Variants in MDGA2 observed in about 807,000 individuals in gnomAD.
MDGA2 encodes the protein MAM domain-containing glycosylphosphatidylinositol anchor protein 2.
MDGA2 carries 40 observed loss-of-function variants against 117.8 expected under a neutral mutation model. That is an observed-to-expected ratio of 0.34 (90% CI 0.26 to 0.44). The LOEUF is 0.44. Among genes scored for constraint, MDGA2 ranks in the 20% least tolerant of loss-of-function variants. The pLI is 1.00. For missense variants in MDGA2, 1,123 were observed against 1,250.6 expected, an observed-to-expected ratio of 0.90 and a Z score of 1.54; for synonymous variants, 452 against 439.0, an observed-to-expected ratio of 1.03 and a Z score of -0.37.
chr14:47,640,731 T>C, intron 1 of MDGA2, among the ~76,000 whole-genome samples: 1 of 152,138 alleles, frequency 6.6e-6, no homozygotes, highest in East Asian at 1.9e-4. Flanking sequence ...TGCTTATCCC[T>C]CTGCACAAAA....
At chr14:47,620,590 C>T (rs1441266520) in intron 1 of MDGA2, among the ~76,000 whole-genome samples, 4 of 152,164 alleles carry the variant, frequency 2.6e-5, no homozygotes, top group Admixed American at 6.5e-5. Context: ...ATAAACTTTG[C>T]CCCCAAATTT....
At chr14:47,093,003 G>A (rs770901081) in intron 6 of MDGA2, among the ~76,000 whole-genome samples, 15 of 152,118 alleles carry the variant, frequency 9.9e-5, no homozygotes, top group Non-Finnish European at 2.1e-4. Context: ...CCAAGGAATT[G>A]GGGAAGCTTT....
At chr14:47,510,284 T>C (rs545091845) in intron 1 of MDGA2, among the ~76,000 whole-genome samples, 13 of 152,198 alleles carry the variant, frequency 8.5e-5, no homozygotes, top group Non-Finnish European at 1.2e-4. Flanking sequence ...ATTTCAAGCC[T>C]GCAGCCTCCG....
chr14:47,280,124 G>A (rs190756486), intron 2 of MDGA2, among the ~76,000 whole-genome samples: 2 of 151,800 alleles, frequency 1.3e-5, no homozygotes, highest in East Asian at 3.9e-4. Context: ...AGACTAGCCT[G>A]ACCAACATGG....
intron 5 of MDGA2, among the ~76,000 whole-genome samples, chr14:47,122,937 C>A (rs557393052): frequency 9.9e-5 from 15 of 152,080 alleles, no homozygotes; most frequent in African/African-American, 3.6e-4. Flanking sequence ...TGGACTTTTG[C>A]AAGATTTTCT....
intron 1 of MDGA2, among the ~76,000 whole-genome samples, chr14:47,571,883 G>A (rs940115132): frequency 4.6e-5 from 7 of 151,968 alleles, no homozygotes; most frequent in South Asian, 2.1e-4. Flanking sequence ...TTCCACACAC[G>A]TATCCCAGAA....
chr14:47,073,393 C>T (rs905479692), intron 6 of MDGA2, among the ~76,000 whole-genome samples: 3 of 152,150 alleles, frequency 2.0e-5, no homozygotes, highest in Admixed American at 6.5e-5. Context: ...GAGCCTCAAT[C>T]TCCCAAATCT....
intron 3 of MDGA2, among the ~76,000 whole-genome samples, chr14:47,162,774 G>A (rs1883697160): frequency 6.6e-6 from 1 of 151,814 alleles, no homozygotes; most frequent in East Asian, 1.9e-4. Context: ...TTCATGCTCT[G>A]TATTTTGAGA....
intron 1 of MDGA2, among the ~76,000 whole-genome samples, chr14:47,587,262 G>A (rs187731626): frequency 4.6e-5 from 7 of 151,668 alleles, no homozygotes; most frequent in Non-Finnish European, 5.9e-5. Context: ...GTTTACCTAC[G>A]AAACAACCTG....
chr14:47,099,047 T>C (rs1322415249), intron 5 of MDGA2, among the ~76,000 whole-genome samples: 1 of 151,956 alleles, frequency 6.6e-6, no homozygotes, highest in Non-Finnish European at 1.5e-5. Context: ...AAATTTGACT[T>C]GGAAACACAG....
chr14:47,158,371 T>G (rs985096553), intron 3 of MDGA2, among the ~76,000 whole-genome samples: 1 of 150,900 alleles, frequency 6.6e-6, no homozygotes. Context: ...TGGGTGTGTG[T>G]GTGTGTGTGT....
intron 1 of MDGA2, among the ~76,000 whole-genome samples, chr14:47,571,079 TC>T (rs1896009892): frequency 6.6e-6 from 1 of 151,796 alleles, no homozygotes; most frequent in Admixed American, 6.6e-5. Flanking sequence ...AACAACCCCA[TC>T]AAAAAGTAGG....
In MDGA2 at chr14:47,396,134, GAACA is replaced by G. The variant is rs527913344; in HGVS notation, c.281-94588_281-94585del. Among the ~76,000 whole-genome samples the G allele has an allele frequency of 1.9e-3, 292 of 152,234 alleles. 2 individuals carry two copies. Among genetic ancestry groups the G allele is most frequent in the African/African-American group, 6.1e-3 (255 of 41,556 alleles). ...ACAAACTTAGCCTGTAACTTTAAGT[GAACA>G]AACAGACTTTTCCTAATAAACATAT... On this transcript the variant is annotated intron_variant, in intron 1 of 16. Transcript: ENST00000399232.
intron 1 of MDGA2, among the ~76,000 whole-genome samples, chr14:47,672,226 G>C (rs527940037): frequency 6.6e-6 from 1 of 152,164 alleles, no homozygotes; most frequent in Admixed American, 6.5e-5. Flanking sequence ...TAATGGCCAG[G>C]AATACTGATT....
intron 3 of MDGA2, among the ~76,000 whole-genome samples, chr14:47,183,728 C>T (rs750341487): frequency 2.0e-4 from 31 of 151,862 alleles, no homozygotes; most frequent in African/African-American, 2.9e-4. Context: ...AACATAAATT[C>T]GAGATTGTTA....
intron 1 of MDGA2, among the ~76,000 whole-genome samples, chr14:47,624,073 A>G (rs1312040976): frequency 1.3e-5 from 2 of 152,174 alleles, no homozygotes; most frequent in East Asian, 3.8e-4. Flanking sequence ...GTCTACCCAT[A>G]TAAGTATTGT....
chr14:47,133,701 G>A (rs1015690849), intron 4 of MDGA2, among the ~76,000 whole-genome samples: 3 of 151,766 alleles, frequency 2.0e-5, no homozygotes, highest in Admixed American at 6.6e-5. Flanking sequence ...ATCCTAAATT[G>A]AACTTCAAAT....
At chr14:46,886,158 G>A (rs1369052752) in intron 10 of MDGA2, among the ~76,000 whole-genome samples, 3 of 152,126 alleles carry the variant, frequency 2.0e-5, no homozygotes. Context: ...AGTTTGGAGA[G>A]TAATTTGCAT....
chr14:47,598,526 C>T (rs1896588601), intron 1 of MDGA2, among the ~76,000 whole-genome samples: 1 of 152,124 alleles, frequency 6.6e-6, no homozygotes, highest in African/African-American at 2.4e-5. Flanking sequence ...CATGTGACAA[C>T]ATGGATAGAC....
Sources: allele counts gnomAD v4.1 joint callset (sites outside exome capture counted in the v4.1 genomes callset), GRCh38; gene constraint gnomAD v4.1.1; transcripts MANE v1.5; gene names NCBI Gene and HGNC (gene_info 2026-07-23, HGNC 2026-07-21).